The following MBP variants were observed in gnomAD, a reference collection of about 807,000 sequenced individuals.
MBP encodes the protein Golli-MBP.
MBP carries 16 observed loss-of-function variants against 35.8 expected under a neutral mutation model. The observed-to-expected ratio is 0.45, with a 90% confidence interval of 0.30 to 0.68. The LOEUF is 0.68. Among genes scored for constraint, MBP ranks in the 30% least tolerant of loss-of-function variants. The pLI, the probability that MBP is intolerant of heterozygous loss-of-function variation, is 0.08. For missense variants in MBP, 380 were observed against 404.7 expected, an observed-to-expected ratio of 0.94 and a Z score of 0.52; for synonymous variants, 143 against 159.6, an observed-to-expected ratio of 0.90 and a Z score of 0.78.
intron 2 of MBP, among the ~76,000 whole-genome samples, chr18:77,104,314 G>T (rs572928016): frequency 1.7e-3 from 259 of 152,330 alleles, no homozygotes; most frequent in Non-Finnish European, 2.5e-3. Context: ...TCTAAGGAGG[G>T]CAAAGACCCT....
chr18:77,076,102 C>T (rs563684521), intron 2 of MBP, among the ~76,000 whole-genome samples: 2 of 152,336 alleles, frequency 1.3e-5, no homozygotes, highest in East Asian at 3.9e-4. Context: ...CAACTGACAG[C>T]CTGTGATTCA....
chr18:77,090,175 C>T (rs1374212925), intron 2 of MBP, among the ~76,000 whole-genome samples: 1 of 152,170 alleles, frequency 6.6e-6, no homozygotes, highest in Non-Finnish European at 1.5e-5. Context: ...AGTCCTGGGG[C>T]CAGTAGTAAT....
chr18:77,080,735 G>C (rs1974860049), intron 2 of MBP, among the ~76,000 whole-genome samples: 1 of 152,062 alleles, frequency 6.6e-6, no homozygotes, highest in Non-Finnish European at 1.5e-5. Context: ...CCAGGCTGGA[G>C]TGCAGTGGTA....
At chr18:77,081,796 A>ATATATACACACACACACACACACACG (rs1974930934) in intron 2 of MBP, among the ~76,000 whole-genome samples, 1 of 20,600 alleles carries the variant, frequency 4.9e-5, no homozygotes, top group African/African-American at 1.3e-4. Context: ...ACACACACGT[A>ATATATACACACACACACACACACACG]TATATATATG....
At position 77,033,956 on chromosome 18, in the gene MBP, C is replaced by T. The variant is rs150421316; in HGVS notation, c.140-16688G>A. Among the ~76,000 whole-genome samples the T allele has an allele frequency of 1.4e-3, 219 of 151,590 alleles. 1 individual carries two copies. The highest frequency in any genetic ancestry group is 5.1e-3 in the African/African-American group (212 of 41,180). On this transcript the variant is annotated intron_variant, in intron 3 of 8. Coordinates refer to ENST00000355994, the MANE Select transcript of MBP (RefSeq NM_001025101.2). ...TAAGGATGCTCCCACTAATCCTCAC[C>T]CTGACAGAGTCCCGCTCCCCACTGC...
intron 3 of MBP, among the ~76,000 whole-genome samples, chr18:77,043,235 T>TA (rs1353426133): frequency 6.6e-6 from 1 of 152,236 alleles, no homozygotes; most frequent in Non-Finnish European, 1.5e-5. Flanking sequence ...AATGGGCACT[T>TA]ACAATAATCT....
At chr18:77,014,655 T>C (rs1392796899) in intron 4 of MBP, 2 of 985,316 alleles carry the variant, frequency 2.0e-6, no homozygotes, top group South Asian at 4.7e-5. Context: ...TGCGGGTCTG[T>C]AGCTGGGTGT....
chr18:77,059,073 A>T (rs1305432561), intron 3 of MBP, among the ~76,000 whole-genome samples: 19 of 152,312 alleles, frequency 1.2e-4, no homozygotes, highest in Middle Eastern at 3.4e-3. Flanking sequence ...GGGGAAAATA[A>T]TTTAGCCGTC....
intron 3 of MBP, among the ~76,000 whole-genome samples, chr18:77,063,823 C>T (rs567653045): frequency 2.6e-5 from 4 of 151,918 alleles, no homozygotes; most frequent in South Asian, 4.1e-4. Context: ...ATCTTGATAG[C>T]GTAAGGAAAG....
chr18:77,070,467 C>T (rs575037367), intron 2 of MBP, among the ~76,000 whole-genome samples: 2 of 152,272 alleles, frequency 1.3e-5, no homozygotes, highest in South Asian at 4.1e-4. Context: ...TCCCCTATAT[C>T]GTAAGGAGCA....
chr18:77,009,171 G>C (rs907802378), intron 4 of MBP, among the ~76,000 whole-genome samples: 2 of 152,174 alleles, frequency 1.3e-5, no homozygotes, highest in African/African-American at 2.4e-5. Flanking sequence ...TCACGGTGAC[G>C]GCAGTGCCAG....
Position 77,022,728 on chromosome 18 carries a change from C to T in MBP, c.140-5460G>A, listed in dbSNP as rs187296793. 1.2e-4 allele frequency among the ~76,000 whole-genome samples: 18 copies of T among 152,284 alleles called. No individual in the cohort carries two copies. In the East Asian group the frequency reaches 3.5e-3, roughly 29 times the overall value. On this transcript the variant is annotated intron_variant, in intron 3 of 8. Coordinates refer to ENST00000355994, the MANE Select transcript of MBP (RefSeq NM_001025101.2). ...GAACATCTGAATACTAATATTTTTG[C>T]AACAGTTGGGCTTTGTGTCCCTGAA...
intron 4 of MBP, among the ~76,000 whole-genome samples, chr18:77,008,993 A>G (rs1971165451): frequency 6.6e-6 from 1 of 152,200 alleles, no homozygotes; most frequent in Non-Finnish European, 1.5e-5. Flanking sequence ...TAGCTGTGAA[A>G]TGTTCTCGCT....
rs150696520 is a variant in MBP, at chr18:77,096,443, T to C, written c.51+8768A>G. ...ATGCCTCATTCCTCCTGTCTGCAGT[T>C]AGATTTGATGTGCAGCTTAAATAAA... On this transcript the variant is annotated intron_variant, in intron 2 of 8. Coordinates refer to ENST00000355994, the MANE Select transcript of MBP (RefSeq NM_001025101.2). Among the ~76,000 whole-genome samples the C allele has an allele frequency of 1.3e-3, 193 of 150,296 alleles. 4 individuals carry two copies. In the East Asian group the frequency reaches 0.034, roughly 26 times the overall value.
intron 4 of MBP, chr18:77,014,707 G>C: frequency 9.1e-6 from 9 of 985,370 alleles, no homozygotes; most frequent in Non-Finnish European, 1.1e-5. Context: ...ACAACACTTT[G>C]TGATAAAATA....
rs140841601 is a variant in MBP at position 77,075,485 on chromosome 18, G to A, written c.52-9100C>T. Reference sequence around the variant, plus strand: ...GGTGGGTCCTCTGTCCCCTCCAGGAGCAGCGGGCTGAAGGTGGAGTGGCGC... The same window carrying A: ...GGTGGGTCCTCTGTCCCCTCCAGGAACAGCGGGCTGAAGGTGGAGTGGCGC... On this transcript the variant is annotated intron_variant, in intron 2 of 8. Coordinates refer to ENST00000355994, the MANE Select transcript of MBP (RefSeq NM_001025101.2). Among the ~76,000 whole-genome samples, 454 of 152,346 alleles carry A rather than the reference G, an allele frequency of 3.0e-3. 3 individuals are homozygous for A. The highest frequency in any genetic ancestry group is 9.8e-3 in the African/African-American group (408 of 41,578).
intron 4 of MBP, among the ~76,000 whole-genome samples, chr18:76,991,688 A>T (rs1969931467): frequency 6.6e-6 from 1 of 152,210 alleles, no homozygotes; most frequent in Non-Finnish European, 1.5e-5. Flanking sequence ...CCCACACCTC[A>T]GGCAGGAATG....
At chr18:77,073,486 G>C (rs928951576) in intron 2 of MBP, among the ~76,000 whole-genome samples, 1 of 152,210 alleles carries the variant, frequency 6.6e-6, no homozygotes, top group Non-Finnish European at 1.5e-5. Context: ...ATGCGAATGG[G>C]CCCAGGTGGC....
At chr18:77,070,188 C>T (rs58704082) in intron 2 of MBP, among the ~76,000 whole-genome samples, 21,072 of 152,178 alleles carry the variant, frequency 0.14, 1,579 homozygotes, top group South Asian at 0.24. Flanking sequence ...GGGGCTCAGA[C>T]TTACGAGAGG....
Sources: allele counts gnomAD v4.1 joint callset (sites outside exome capture counted in the v4.1 genomes callset), GRCh38; gene constraint gnomAD v4.1.1; transcripts MANE v1.5; gene names NCBI Gene and HGNC (gene_info 2026-07-23, HGNC 2026-07-21).